RAB1A: variants seen among roughly 807,000 people sequenced by gnomAD.
The protein encoded by RAB1A is RAB1A, member RAS oncogene family.
RAB1A carries 2 observed loss-of-function variants against 26.0 expected under a neutral mutation model. The ratio of observed to expected loss-of-function variants is 0.08; its 90% confidence interval spans 0.03 to 0.24. RAB1A has a LOEUF of 0.24. Among genes scored for constraint, RAB1A ranks in the 10% least tolerant of loss-of-function variants. The pLI is 1.00. For synonymous variants in RAB1A, 84 were observed against 84.9 expected (o/e 0.99, Z 0.06); for missense variants, 100 against 247.0 (o/e 0.40, Z 3.99).
rs541939879 is a variant in RAB1A, at chr2:65,129,156, T to C, written c.23+737A>G. 5.4e-5 allele frequency among the ~76,000 whole-genome samples: 8 copies of C among 149,376 alleles called. No homozygotes were observed. In the South Asian group the frequency reaches 6.4e-4, roughly 12 times the overall value. On this transcript the variant is annotated intron_variant, in intron 1 of 5. Transcript: ENST00000409784. ...TTTCTTGGCTTTAGTTTTTTTTTTT[T>C]CCCTTGACCCACAGAAGACAAAATG... is the stretch of plus-strand genomic sequence containing the variant.
chr2:65,100,400 C>CA (rs34166798), intron 2 of RAB1A, among the ~76,000 whole-genome samples: 6,568 of 57,546 alleles, frequency 0.11, 760 homozygotes, highest in African/African-American at 0.27. Flanking sequence ...GTCTCTGTCT[C>CA]AAAAAAAAAA....
At position 65,105,511 on chromosome 2, in the gene RAB1A, C is replaced by CAAAAAAAAAAA. The variant is rs60594101; in HGVS notation, c.24-716_24-706dup. 3.9e-4 allele frequency: 13 copies of CAAAAAAAAAAA among 33,028 alleles called. 1 individual carries two copies. The highest frequency in any genetic ancestry group is 1.3e-3 in the African/African-American group (13 of 9,758). The allele number at this position is 33,028 out of a possible 1,614,324, so 2.0% of individuals were successfully genotyped here. ...GGGCAATAAGAACGAAACTCTGTCT[C>CAAAAAAAAAAA]AAAAAAAAAAAAAAAAAAAAAAAAA... On this transcript the variant is annotated intron_variant, in intron 1 of 5. Coordinates refer to ENST00000409784, the MANE Select transcript of RAB1A (RefSeq NM_004161.5).
chr2:65,091,744 C>T (rs1395566552), intron 3 of RAB1A, among the ~76,000 whole-genome samples: 1 of 152,112 alleles, frequency 6.6e-6, no homozygotes, highest in Non-Finnish European at 1.5e-5. Flanking sequence ...AGGCTGGTCT[C>T]AAATTCCTGG....
At chr2:65,107,141 C>T (rs1467111434) in intron 1 of RAB1A, among the ~76,000 whole-genome samples, 2 of 151,886 alleles carry the variant, frequency 1.3e-5, no homozygotes, top group African/African-American at 2.4e-5. Flanking sequence ...TCTCAGGTCA[C>T]TGCAGCCTCC....
At chr2:65,093,624 A>ATT (rs57642294) in intron 3 of RAB1A, among the ~76,000 whole-genome samples, 38 of 142,636 alleles carry the variant, frequency 2.7e-4, no homozygotes, top group East Asian at 8.1e-4. Flanking sequence ...TTGTGTTTAG[A>ATT]TTTTTTTTTT....
At chr2:65,106,345 C>G (rs577433854) in intron 1 of RAB1A, 4 of 312,652 alleles carry the variant, frequency 1.3e-5, no homozygotes, top group Non-Finnish European at 2.5e-5. Flanking sequence ...AAAGTGAAAA[C>G]CACGTCACAA....
At chr2:65,105,997 T>G (rs191749958) in intron 1 of RAB1A, among the ~76,000 whole-genome samples, 1 of 152,144 alleles carries the variant, frequency 6.6e-6, no homozygotes, top group Admixed American at 6.6e-5. Flanking sequence ...CCTGACCTCA[T>G]GATCTGCCCG....
chr2:65,090,541 T>G (rs865802855), intron 4 of RAB1A, among the ~76,000 whole-genome samples: 3 of 152,308 alleles, frequency 2.0e-5, no homozygotes, highest in Middle Eastern at 3.4e-3. Context: ...TTCAAATTCT[T>G]TATTTCTGAA....
chr2:65,110,795 G>C (rs898810742), intron 1 of RAB1A, among the ~76,000 whole-genome samples: 2 of 151,926 alleles, frequency 1.3e-5, no homozygotes, highest in African/African-American at 4.8e-5. Context: ...AATTAGCTGG[G>C]TGTGGTGGTC....
intron 3 of RAB1A, 41 bp from the exon 4 acceptor site, chr2:65,091,119 A>G: frequency 1.3e-6 from 2 of 1,517,724 alleles, no homozygotes; most frequent in South Asian, 2.3e-5. Context: ...ATTCCATTAA[A>G]ATAAAGTTGG....
chr2:65,095,849 G>A (rs927570203), intron 3 of RAB1A, among the ~76,000 whole-genome samples: 8 of 151,248 alleles, frequency 5.3e-5, no homozygotes, highest in Admixed American at 3.3e-4. Context: ...CCATCTCTAC[G>A]AAAAATACAA....
chr2:65,087,360 A>ATCAAATT lies in RAB1A; in HGVS notation c.*1126_*1132dup, dbSNP rs1669059131. ...GGATATAATTTCTAAATTTAGAGCA[A>ATCAAATT]TCAAATTTCCTGCTTCCTATCTTAA... On this transcript the variant is annotated 3_prime_UTR_variant, in exon 6 of 6. Coordinates refer to ENST00000409784, the MANE Select transcript of RAB1A (RefSeq NM_004161.5). 1 of 152,682 alleles carries ATCAAATT rather than the reference A, an allele frequency of 6.5e-6. No homozygotes were observed. Among genetic ancestry groups the ATCAAATT allele is most frequent in the South Asian group, 2.1e-4 (1 of 4,832 alleles). 9.5% of individuals were successfully genotyped at this position (152,682 alleles called of 1,614,324 possible). A position where few individuals can be genotyped will look rare whatever the true frequency, so the allele number is the denominator to read the frequency against.
chr2:65,116,820 A>G (rs746578392), intron 1 of RAB1A, among the ~76,000 whole-genome samples: 51 of 152,404 alleles, frequency 3.3e-4, no homozygotes, highest in Non-Finnish European at 3.1e-4. Context: ...CTAGCAATGC[A>G]TAAAACAGTA....
intron 1 of RAB1A, among the ~76,000 whole-genome samples, chr2:65,119,851 A>C (rs1354161549): frequency 2.7e-5 from 4 of 148,068 alleles, no homozygotes; most frequent in African/African-American, 7.4e-5. Context: ...CAAAAAAAAA[A>C]AAAAAAAAAA....
At chr2:65,097,669 A>C (rs1383003530) in intron 3 of RAB1A, among the ~76,000 whole-genome samples, 2 of 152,228 alleles carry the variant, frequency 1.3e-5, no homozygotes, top group African/African-American at 4.8e-5. Flanking sequence ...TAACATTTGC[A>C]GTGTAGGACA....
intron 1 of RAB1A, among the ~76,000 whole-genome samples, chr2:65,114,693 A>T (rs904580835): frequency 2.6e-5 from 4 of 152,000 alleles, no homozygotes; most frequent in Non-Finnish European, 4.4e-5. Flanking sequence ...AAAATACAAA[A>T]AATTAGCCGG....
At chr2:65,107,589 G>T (rs1669591238) in intron 1 of RAB1A, among the ~76,000 whole-genome samples, 1 of 152,094 alleles carries the variant, frequency 6.6e-6, no homozygotes, top group South Asian at 2.1e-4. Context: ...AGGTGTTCAA[G>T]TGATTCTCAG....
chr2:65,111,697 G>C (rs1367196247), intron 1 of RAB1A, among the ~76,000 whole-genome samples: 1 of 152,170 alleles, frequency 6.6e-6, no homozygotes. Flanking sequence ...GGAAAGAAGG[G>C]TATACAAGAA....
intron 1 of RAB1A, among the ~76,000 whole-genome samples, chr2:65,123,146 G>A (rs1434201671): frequency 6.6e-6 from 1 of 151,520 alleles, no homozygotes; most frequent in Non-Finnish European, 1.5e-5. Context: ...GGTGAATATA[G>A]CAGGATGTTA....
Sources: allele counts gnomAD v4.1 joint callset (sites outside exome capture counted in the v4.1 genomes callset), GRCh38; gene constraint gnomAD v4.1.1; transcripts MANE v1.5; gene names NCBI Gene and HGNC (gene_info 2026-07-23, HGNC 2026-07-21).